The following CUX2 variants were observed in gnomAD, a reference collection of about 807,000 sequenced individuals.
The protein encoded by CUX2 is homeobox protein cut-like 2.
Under a neutral mutation model 144.8 loss-of-function variants are expected in CUX2, and 40 were observed. The observed-to-expected ratio is 0.28, with a 90% CI of 0.21 to 0.36. The LOEUF (loss-of-function observed/expected upper bound fraction) is 0.36, where lower values mean the gene tolerates loss of function less well. Among genes scored for constraint, CUX2 ranks in the 10% least tolerant of loss-of-function variants. The pLI is 1.00. For missense variants in CUX2, 1,615 were observed against 1,994.0 expected (o/e 0.81, Z 3.62); for synonymous variants, 827 against 875.6 (o/e 0.94, Z 0.98).
At chr12:111,092,927 C>T (rs1185525934) in intron 1 of CUX2, among the ~76,000 whole-genome samples, 5 of 151,622 alleles carry the variant, frequency 3.3e-5, no homozygotes, top group Admixed American at 2.6e-4. Context: ...TGATCCTCCC[C>T]ACCTCATCCT....
At chr12:111,106,747 G>C (rs1873629275) in intron 1 of CUX2, among the ~76,000 whole-genome samples, 1 of 152,220 alleles carries the variant, frequency 6.6e-6, no homozygotes, top group Non-Finnish European at 1.5e-5. Context: ...GACAGAAAGG[G>C]GTGGGACAGA....
At chr12:111,237,765 C>T (rs537901287) in intron 3 of CUX2, among the ~76,000 whole-genome samples, 1 of 152,316 alleles carries the variant, frequency 6.6e-6, no homozygotes, top group African/African-American at 2.4e-5. Flanking sequence ...TCTTCTCACC[C>T]GTCATTGCAC....
intron 1 of CUX2, among the ~76,000 whole-genome samples, chr12:111,197,168 T>C (rs112317988): frequency 6.6e-6 from 1 of 152,196 alleles, no homozygotes; most frequent in Non-Finnish European, 1.5e-5. Flanking sequence ...TTTTCTCATC[T>C]GCAAAATGGA....
At chr12:111,131,532 T>C (rs1875480220) in intron 1 of CUX2, among the ~76,000 whole-genome samples, 1 of 152,026 alleles carries the variant, frequency 6.6e-6, no homozygotes, top group Admixed American at 6.6e-5. Flanking sequence ...CAGTCCAAAG[T>C]CTCATCTGAG....
At chr12:111,334,770 T>C (rs1888272780) in intron 19 of CUX2, 60 bp downstream of exon 19, 3 of 1,519,460 alleles carry the variant, frequency 2.0e-6, no homozygotes, top group South Asian at 1.3e-5. Context: ...CCTACTTGCC[T>C]TGAAAAGGTG....
chr12:111,249,457 T>G (rs947777929), intron 3 of CUX2, among the ~76,000 whole-genome samples: 4 of 142,514 alleles, frequency 2.8e-5, no homozygotes, highest in Non-Finnish European at 1.5e-5. Flanking sequence ...TTTTTTTTTT[T>G]TTTTTTTAGT....
chr12:111,162,642 T>C (rs1566264923), intron 1 of CUX2, among the ~76,000 whole-genome samples: 1 of 152,232 alleles, frequency 6.6e-6, no homozygotes, highest in Non-Finnish European at 1.5e-5. Flanking sequence ...AGCAAGTGCG[T>C]GTATGTTTCT....
chr12:111,317,718 G>A (rs542087733), intron 16 of CUX2, among the ~76,000 whole-genome samples: 36 of 152,234 alleles, frequency 2.4e-4, no homozygotes, highest in African/African-American at 6.0e-4. Context: ...GATACCGACC[G>A]GGCGCGGTGG....
At chr12:111,174,858 G>C (rs906977883) in intron 1 of CUX2, among the ~76,000 whole-genome samples, 2 of 152,230 alleles carry the variant, frequency 1.3e-5, no homozygotes, top group Non-Finnish European at 2.9e-5. Flanking sequence ...AGATAGAGAA[G>C]AAATTGCAGT....
chr12:111,069,157 A>T (rs1370031219), intron 1 of CUX2, among the ~76,000 whole-genome samples: 1 of 152,158 alleles, frequency 6.6e-6, no homozygotes, highest in Non-Finnish European at 1.5e-5. Context: ...TCTGGGTTCA[A>T]ATCTCTGAGC....
chr12:111,228,203 A>G (rs1882268829), intron 3 of CUX2, among the ~76,000 whole-genome samples: 1 of 152,172 alleles, frequency 6.6e-6, no homozygotes, highest in African/African-American at 2.4e-5. Context: ...GAGTTACCTC[A>G]AAGATAGTAT....
rs747403255 is a variant in CUX2 at position 111,304,260 on chromosome 12, C to T, written c.804C>T (p.Ala268=). 4.3e-6 allele frequency: 7 copies of T among 1,613,926 alleles called. No individual in the cohort carries two copies. The highest frequency in any genetic ancestry group is 5.9e-6 in the Non-Finnish European group (7 of 1,179,988). Residue 268 remains alanine (A), a synonymous_variant, in exon 10 of 22, where the codon GCC becomes GCT. Transcript: ENST00000261726. This position sits in a 1 kb window ranked among gnomAD's most constrained non-coding sequence, Gnocchi z 4.7. ...TGGAAAGTCTCCGGGAACAGCTGGC[C>T]TCTGTCAACAGCTCCATCCGCCTGG... ...REVESLREQL[A]SVNSSIRLAC...
intron 9 of CUX2, among the ~76,000 whole-genome samples, chr12:111,299,245 G>A (rs1458999978): frequency 2.6e-5 from 4 of 152,242 alleles, no homozygotes; most frequent in African/African-American, 4.8e-5. Context: ...CTGCGGGCCC[G>A]CACTGTGGCA....
chr12:111,036,133 G>A (rs1335993207), intron 1 of CUX2, among the ~76,000 whole-genome samples: 1 of 152,260 alleles, frequency 6.6e-6, no homozygotes, highest in Non-Finnish European at 1.5e-5. Flanking sequence ...TGGCACACAA[G>A]AGGAGAGGAA....
intron 1 of CUX2, among the ~76,000 whole-genome samples, chr12:111,177,681 G>A (rs1235370061): frequency 6.6e-6 from 1 of 152,182 alleles, no homozygotes; most frequent in Admixed American, 6.5e-5. Flanking sequence ...GTGAGCCACC[G>A]TGCCCAGCCG....
intron 1 of CUX2, among the ~76,000 whole-genome samples, chr12:111,134,618 C>G (rs200984970): frequency 0.057 from 8,336 of 145,566 alleles, 818 homozygotes; most frequent in African/African-American, 0.21. Context: ...CTCTCTCTCT[C>G]TCTGTGTGTG....
At chr12:111,279,752 G>A (rs1885030830) in intron 4 of CUX2, among the ~76,000 whole-genome samples, 1 of 152,214 alleles carries the variant, frequency 6.6e-6, no homozygotes, top group African/African-American at 2.4e-5. Context: ...GGAAGGCCAA[G>A]GCCAGCAGAT....
intron 21 of CUX2, 142 bp downstream of exon 21, chr12:111,342,195 G>T: frequency 1.0e-6 from 1 of 1,002,598 alleles, no homozygotes; most frequent in East Asian, 2.5e-5. Flanking sequence ...ATAGAACACA[G>T]GCCCAAGTGC....
chr12:111,341,003 A>G (rs1888551712), intron 20 of CUX2, among the ~76,000 whole-genome samples: 1 of 152,154 alleles, frequency 6.6e-6, no homozygotes, highest in South Asian at 2.1e-4. Context: ...TGTTCGGTGT[A>G]CTCTCGTGGC....
Sources: allele counts gnomAD v4.1 joint callset (sites outside exome capture counted in the v4.1 genomes callset), GRCh38; gene constraint gnomAD v4.1.1; non-coding constraint Gnocchi (gnomAD v3.1); transcripts MANE v1.5; gene names NCBI Gene and HGNC (gene_info 2026-07-23, HGNC 2026-07-21).